CEP112: variants seen among roughly 807,000 people sequenced by gnomAD.
CEP112 encodes centrosomal protein of 112 kDa.
A neutral mutation model predicts 153.0 loss-of-function variants in CEP112; 127 were observed. The ratio of observed to expected loss-of-function variants is 0.83; its 90% CI spans 0.72 to 0.96. The LOEUF (loss-of-function observed/expected upper bound fraction) is 0.96, where lower values mean the gene tolerates loss of function less well. CEP112 is among the 40% of genes least tolerant of loss of function. The pLI, the probability that CEP112 is intolerant of heterozygous loss-of-function variation, is 0.00. For missense variants in CEP112, 1,089 were observed against 1,101.2 expected (o/e 0.99, Z 0.16); for synonymous variants, 358 against 374.4 (o/e 0.96, Z 0.51).
At chr17:65,926,201 C>T (rs573141610) in intron 19 of CEP112, among the ~76,000 whole-genome samples, 1 of 152,236 alleles carries the variant, frequency 6.6e-6, no homozygotes, top group South Asian at 2.1e-4. Context: ...ATTTATTTTC[C>T]TTGAACACTT....
In CEP112 at chr17:66,125,016, G is replaced by A. The variant is rs572790950; in HGVS notation, c.642+4730C>T. On this transcript the variant is annotated intron_variant, in intron 6 of 26. Transcript: ENST00000535342. ...GGGAAAATGCTATAAATACTGTTAC[G>A]GCTTTGTTTGTTTTTTATGAATAAT... Among the ~76,000 whole-genome samples the A allele has an allele frequency of 5.9e-5, 9 of 151,990 alleles. No homozygotes were observed. The East Asian group carries it at 7.7e-4, about 13-fold the overall frequency.
chr17:66,069,834 A>G (rs757096909), intron 9 of CEP112, 81 bp downstream of exon 9: 52 of 736,712 alleles, frequency 7.1e-5, no homozygotes, highest in Non-Finnish European at 1.0e-4. Flanking sequence ...GGAAGAATGG[A>G]TGGATAACTG....
At chr17:65,824,821 G>A (rs2056761098) in intron 21 of CEP112, among the ~76,000 whole-genome samples, 1 of 152,184 alleles carries the variant, frequency 6.6e-6, no homozygotes, top group Non-Finnish European at 1.5e-5. Flanking sequence ...CATTACAATG[G>A]TTATTATAAA....
At chr17:65,858,210 T>G (rs1232266623) in intron 20 of CEP112, among the ~76,000 whole-genome samples, 1 of 152,178 alleles carries the variant, frequency 6.6e-6, no homozygotes, top group Non-Finnish European at 1.5e-5. Flanking sequence ...AATATTACAA[T>G]CTTTTAAATT....
intron 21 of CEP112, among the ~76,000 whole-genome samples, chr17:65,793,457 C>A (rs555275922): frequency 6.6e-6 from 1 of 152,128 alleles, no homozygotes; most frequent in South Asian, 2.1e-4. Context: ...ACCTATGTAA[C>A]AAACCTACAC....
At chr17:65,781,310 G>A (rs1301054587) in intron 21 of CEP112, among the ~76,000 whole-genome samples, 1 of 152,040 alleles carries the variant, frequency 6.6e-6, no homozygotes, top group African/African-American at 2.4e-5. Context: ...ATCTCTGCGA[G>A]GAGAATTACA....
intron 16 of CEP112, among the ~76,000 whole-genome samples, chr17:66,024,239 A>T (rs2065110803): frequency 6.6e-6 from 1 of 152,094 alleles, no homozygotes; most frequent in Non-Finnish European, 1.5e-5. Context: ...GTTGAAAGTA[A>T]TCCCAATAAG....
intron 20 of CEP112, 62 bp downstream of exon 20, chr17:65,902,090 A>T (rs1598942800): frequency 1.6e-6 from 2 of 1,287,158 alleles, no homozygotes; most frequent in Non-Finnish European, 2.2e-6. Context: ...ATAAGAAAAC[A>T]TTAAACGCTG....
chr17:65,716,494 G>A (rs994301495), intron 23 of CEP112, among the ~76,000 whole-genome samples: 13 of 152,150 alleles, frequency 8.5e-5, no homozygotes, highest in African/African-American at 3.1e-4. Flanking sequence ...ATGGTTGAAA[G>A]AGACTGAGCG....
intron 23 of CEP112, among the ~76,000 whole-genome samples, chr17:65,728,257 T>C (rs60317706): frequency 0.014 from 2,079 of 152,262 alleles, 51 homozygotes; most frequent in African/African-American, 0.047. Flanking sequence ...TAGAGGATGA[T>C]TAGAAGTAGA....
At chr17:66,020,561 A>G (rs1013727251) in intron 16 of CEP112, among the ~76,000 whole-genome samples, 12 of 152,190 alleles carry the variant, frequency 7.9e-5, no homozygotes, top group Admixed American at 5.9e-4. Flanking sequence ...GTGGTATTAC[A>G]AAGTGTTTTT....
rs1283356774 is a variant in CEP112, at chr17:66,029,208, T to A, written c.1418A>T (p.Tyr473Phe). Residue 473 changes from tyrosine to phenylalanine, a missense_variant, in exon 14 of 27, where the codon TAT (tyrosine) becomes TTT (phenylalanine). Tyr to Phe is a conservative substitution (Grantham distance 22). Coordinates refer to ENST00000535342, the MANE Select transcript of CEP112 (RefSeq NM_001199165.4). ...HKEKDHLVNDYEQNMKLLQTK... is the reference protein window; with the variant it reads ...HKEKDHLVNDFEQNMKLLQTK... The stretch of plus-strand genomic sequence containing the variant: ...TTGTAACAGTTTCATGTTTTGCTCA[T>A]AATCATTTACAAGATGGTCCTTCTC... 1 of 1,611,598 alleles carries A rather than the reference T, an allele frequency of 6.2e-7. No individual in the cohort carries two copies. The highest frequency in any genetic ancestry group is 1.3e-5 in the African/African-American group (1 of 74,876).
chr17:65,723,740 T>TATAGAC (rs1371529076), intron 23 of CEP112, among the ~76,000 whole-genome samples: 6 of 152,240 alleles, frequency 3.9e-5, no homozygotes, highest in African/African-American at 1.4e-4. Context: ...CAGTGTAGTT[T>TATAGAC]ATAGACATCA....
At chr17:65,879,395 C>A (rs926960606) in intron 20 of CEP112, among the ~76,000 whole-genome samples, 5 of 152,226 alleles carry the variant, frequency 3.3e-5, no homozygotes, top group Admixed American at 3.3e-4. Context: ...AGGCTTCCAA[C>A]AACTTCATTT....
chr17:65,678,008 A>G (rs1015909405), intron 24 of CEP112, among the ~76,000 whole-genome samples: 4 of 151,460 alleles, frequency 2.6e-5, no homozygotes, highest in Non-Finnish European at 4.4e-5. Flanking sequence ...CCCTTTCTCA[A>G]CAGAAAAAGG....
intron 17 of CEP112, among the ~76,000 whole-genome samples, chr17:65,965,484 T>C (rs1003394492): frequency 1.3e-5 from 2 of 151,752 alleles, no homozygotes; most frequent in Non-Finnish European, 2.9e-5. Flanking sequence ...ATGAATACAT[T>C]GAGCTCCACT....
intron 8 of CEP112, among the ~76,000 whole-genome samples, chr17:66,074,332 C>T (rs2067405370): frequency 6.6e-6 from 1 of 151,990 alleles, no homozygotes; most frequent in African/African-American, 2.4e-5. Context: ...AAATCAATAA[C>T]ACTTTGGAAA....
At chr17:65,803,748 C>T (rs948988448) in intron 21 of CEP112, among the ~76,000 whole-genome samples, 1 of 152,172 alleles carries the variant, frequency 6.6e-6, no homozygotes, top group African/African-American at 2.4e-5. Context: ...TATCTAAGTG[C>T]ATCATGTTCA....
At position 66,008,235 on chromosome 17, in the gene CEP112, CATAT is replaced by C. The variant is rs149110040; in HGVS notation, c.1657-2470_1657-2467del. 4.1e-3 allele frequency among the ~76,000 whole-genome samples: 625 copies of C among 152,188 alleles called. 28 individuals are homozygous for C. The East Asian group carries it at 0.11, about 27-fold the overall frequency. Reference sequence around the variant, plus strand: ...AGCTAAGTCACATATTCATATCATACATATACTTATTTTTGTGATGAGAACATTT... The same window carrying C: ...AGCTAAGTCACATATTCATATCATACACTTATTTTTGTGATGAGAACATTT... On this transcript the variant is annotated intron_variant, in intron 16 of 26. Coordinates refer to ENST00000535342, the MANE Select transcript of CEP112 (RefSeq NM_001199165.4).
Sources: gnomAD v4.1 joint callset for allele counts (sites outside exome capture counted in the v4.1 genomes callset) on GRCh38, gnomAD v4.1.1 for gene constraint, MANE v1.5 for transcripts, NCBI Gene and HGNC (gene_info 2026-07-23, HGNC 2026-07-21) for gene names.